Variants in SHANK2 observed in about 807,000 individuals in gnomAD.
The protein encoded by SHANK2 is SH3 and multiple ankyrin repeat domains protein 2.
Under a neutral mutation model 133.7 loss-of-function variants are expected in SHANK2, and 43 were observed. The ratio of observed to expected loss-of-function variants is 0.32; its 90% CI spans 0.25 to 0.41. The LOEUF (loss-of-function observed/expected upper bound fraction) is 0.41. Among genes scored for constraint, SHANK2 ranks in the 10% least tolerant of loss-of-function variants. SHANK2 has a pLI of 1.00. For synonymous variants in SHANK2, 1,017 were observed against 952.8 expected, an observed-to-expected ratio of 1.07 and a Z score of -1.24; for missense variants, 1,994 against 2,235.8, an observed-to-expected ratio of 0.89 and a Z score of 2.18.
intron 2 of SHANK2, among the ~76,000 whole-genome samples, chr11:71,218,528 G>T (rs967978369): frequency 6.6e-6 from 1 of 152,094 alleles, no homozygotes; most frequent in Admixed American, 6.5e-5. Flanking sequence ...CTCCCAAAGT[G>T]CTGGAATTAC....
intron 14 of SHANK2, among the ~76,000 whole-genome samples, chr11:70,742,210 C>T (rs1555034919): frequency 6.6e-6 from 1 of 152,180 alleles, no homozygotes; most frequent in Non-Finnish European, 1.5e-5. Context: ...AGCTTGCAGT[C>T]CTCTATGAAG....
At chr11:70,630,305 G>A (rs2060966983) in intron 17 of SHANK2, among the ~76,000 whole-genome samples, 1 of 152,198 alleles carries the variant, frequency 6.6e-6, no homozygotes, top group Admixed American at 6.5e-5. Flanking sequence ...CCCCAGGACA[G>A]GAACCAGGCC....
intron 14 of SHANK2, among the ~76,000 whole-genome samples, chr11:70,704,938 T>C (rs937046980): frequency 1.1e-4 from 17 of 152,184 alleles, no homozygotes; most frequent in African/African-American, 3.6e-4. Flanking sequence ...GTGAATTCTG[T>C]TATTTCCTGG....
At chr11:70,632,602 C>T (rs955327299) in intron 17 of SHANK2, among the ~76,000 whole-genome samples, 1 of 152,068 alleles carries the variant, frequency 6.6e-6, no homozygotes, top group African/African-American at 2.4e-5. Flanking sequence ...TCCCCACATA[C>T]CATTTTCCCT....
intron 11 of SHANK2, among the ~76,000 whole-genome samples, chr11:70,890,528 G>A (rs555595295): frequency 3.3e-5 from 5 of 151,574 alleles, no homozygotes; most frequent in African/African-American, 1.2e-4. Context: ...GGCCAGGCAT[G>A]GTGGCTCAGG....
intron 17 of SHANK2, among the ~76,000 whole-genome samples, chr11:70,640,224 G>T (rs2061158860): frequency 6.6e-6 from 1 of 152,228 alleles, no homozygotes; most frequent in South Asian, 2.1e-4. Flanking sequence ...GAGATGAGAA[G>T]ATTATCCTGG....
intron 11 of SHANK2, among the ~76,000 whole-genome samples, chr11:70,842,383 G>A (rs782011402): frequency 1.4e-4 from 22 of 152,210 alleles, no homozygotes; most frequent in Non-Finnish European, 3.1e-4. Flanking sequence ...CAAGCTATGA[G>A]TCATGGAGGC....
At chr11:70,600,418 C>CAAAAAAAAAAAAAAAAAAAGAAAA (rs2060477982) in intron 17 of SHANK2, among the ~76,000 whole-genome samples, 1 of 95,466 alleles carries the variant, frequency 1.0e-5, no homozygotes, top group Non-Finnish European at 2.1e-5. Context: ...GACTCTGTCT[C>CAAAAAAAAAAAAAAAAAAAGAAAA]AAAAAAAAAA....
At chr11:70,896,282 C>G (rs1555075676) in intron 11 of SHANK2, 7 of 458,800 alleles carry the variant, frequency 1.5e-5, no homozygotes. Flanking sequence ...AGGCATGTTT[C>G]AGACAGCCTA....
intron 2 of SHANK2, among the ~76,000 whole-genome samples, chr11:71,205,424 G>A (rs571667028): frequency 5.9e-5 from 9 of 152,228 alleles, no homozygotes; most frequent in East Asian, 3.9e-4. Context: ...GCGCTCCTGC[G>A]AGAACCTCCA....
At chr11:70,627,928 A>G (rs1481554598) in intron 17 of SHANK2, among the ~76,000 whole-genome samples, 1 of 152,174 alleles carries the variant, frequency 6.6e-6, no homozygotes, top group Non-Finnish European at 1.5e-5. Flanking sequence ...GTGCCCTTAT[A>G]CAAGGTCAAC....
intron 17 of SHANK2, among the ~76,000 whole-genome samples, chr11:70,583,566 G>A (rs1412278637): frequency 1.3e-5 from 2 of 152,180 alleles, no homozygotes; most frequent in Non-Finnish European, 2.9e-5. Context: ...CCAGGAAAGC[G>A]CAGCTAAATG....
intron 15 of SHANK2, among the ~76,000 whole-genome samples, chr11:70,686,707 C>T (rs1482099311): frequency 6.6e-6 from 1 of 152,168 alleles, no homozygotes; most frequent in African/African-American, 2.4e-5. Context: ...AATGTTGAGT[C>T]AGGGAGGTCT....
chr11:71,154,208 C>T (rs1165356875), intron 2 of SHANK2, among the ~76,000 whole-genome samples: 1 of 152,140 alleles, frequency 6.6e-6, no homozygotes, highest in Non-Finnish European at 1.5e-5. Flanking sequence ...CCCCTGGTGC[C>T]GTTTACAGAC....
At chr11:70,944,066 T>C (rs1241658392) in intron 10 of SHANK2, 2 of 426,678 alleles carry the variant, frequency 4.7e-6, no homozygotes, top group African/African-American at 2.0e-5. Flanking sequence ...CTACATCTTG[T>C]CCACAGCAAG....
intron 14 of SHANK2, among the ~76,000 whole-genome samples, chr11:70,716,659 T>A (rs1258341969): frequency 1.2e-4 from 18 of 152,130 alleles, no homozygotes; most frequent in Non-Finnish European, 2.6e-4. Context: ...CAGGGCCAGA[T>A]GCTCAGGGCT....
chr11:71,133,089 C>G (rs555252883), intron 3 of SHANK2, among the ~76,000 whole-genome samples: 37 of 143,566 alleles, frequency 2.6e-4, no homozygotes, highest in Non-Finnish European at 4.6e-4. Flanking sequence ...ACCAAAGATC[C>G]TAACCATGTA....
At position 71,175,952 on chromosome 11, in the gene SHANK2, T is replaced by C. The variant is rs1011329819; in HGVS notation, c.-12-28614A>G. On this transcript the variant is annotated intron_variant, in intron 2 of 25. Transcript: ENST00000601538. The surrounding 1 kb of genome is among the most constrained non-coding windows in gnomAD (Gnocchi z 4.2). The stretch of plus-strand genomic sequence containing the variant: ...GGAGAGAGAATGGAACGGAGCCTAG[T>C]AGAGATGTGTTCCCTTATTCAGAAT... Among the ~76,000 whole-genome samples, 24 of 152,158 alleles carry C rather than the reference T, an allele frequency of 1.6e-4. No homozygotes were observed. Among genetic ancestry groups the C allele is most frequent in the African/African-American group, 5.6e-4 (23 of 41,436 alleles).
Position 70,468,780 on chromosome 11 carries a change from C to G in SHANK2, c.*4089G>C, listed in dbSNP as rs2058563643. 6.6e-6 allele frequency: 1 copy of G among 152,154 alleles called. No individual in the cohort carries two copies. The highest frequency in any genetic ancestry group is 6.5e-5 in the Admixed American group (1 of 15,278). 9.4% of individuals were successfully genotyped at this position (152,154 alleles called of 1,614,324 possible). Reference sequence around the variant, plus strand: ...TGGAAGCATAGAGGCTGCTGCTCAACTGGGGAATGTGCCAAAGTAGAAGAA... The same window carrying G: ...TGGAAGCATAGAGGCTGCTGCTCAAGTGGGGAATGTGCCAAAGTAGAAGAA... On this transcript the variant is annotated 3_prime_UTR_variant, in exon 26 of 26. Transcript: ENST00000601538.
Sources: allele counts gnomAD v4.1 joint callset (sites outside exome capture counted in the v4.1 genomes callset), GRCh38; gene constraint gnomAD v4.1.1; non-coding constraint Gnocchi (gnomAD v3.1); transcripts MANE v1.5; gene names NCBI Gene and HGNC (gene_info 2026-07-23, HGNC 2026-07-21).